SBF2: variants seen among roughly 807,000 people sequenced by gnomAD.
SBF2 encodes the protein myotubularin-related protein 13.
A neutral mutation model predicts 225.2 loss-of-function variants in SBF2; 112 were observed. That is an observed-to-expected ratio of 0.50 (90% CI 0.43 to 0.58). The LOEUF (loss-of-function observed/expected upper bound fraction) is 0.58. SBF2 is among the 20% of genes least tolerant of loss of function. The pLI is 0.00. For missense variants in SBF2, 1,996 were observed against 2,206.2 expected (o/e 0.90, Z 1.91); for synonymous variants, 763 against 773.3 (o/e 0.99, Z 0.22).
chr11:10,014,959 G>A (rs774486241), intron 6 of SBF2, among the ~76,000 whole-genome samples: 6 of 151,842 alleles, frequency 4.0e-5, no homozygotes, highest in African/African-American at 1.5e-4. Flanking sequence ...GTGAAATCCC[G>A]TCTTTACTAA....
chr11:10,077,745 A>G (rs554360435), intron 2 of SBF2, among the ~76,000 whole-genome samples: 2 of 152,358 alleles, frequency 1.3e-5, no homozygotes, highest in East Asian at 1.9e-4. Context: ...CTTCATGACT[A>G]AAACACCAAA....
chr11:9,948,908 C>T (rs1291413317), intron 16 of SBF2, among the ~76,000 whole-genome samples: 1 of 152,104 alleles, frequency 6.6e-6, no homozygotes, highest in Non-Finnish European at 1.5e-5. Context: ...TTTGCTTTGT[C>T]TTCTGAGGAT....
At position 10,176,641 on chromosome 11, in the gene SBF2, G is replaced by A. The variant is rs879321124; in HGVS notation, c.141+17261C>T. On this transcript the variant is annotated intron_variant, in intron 2 of 39. Transcript: ENST00000256190. ...ATACACCCTCCCAAGACTAAACCAG[G>A]AAGAAGTTGAATCTCTGAATAGACC... 3.3e-3 allele frequency among the ~76,000 whole-genome samples: 499 copies of A among 152,248 alleles called. 1 individual carries two copies. Among genetic ancestry groups the A allele is most frequent in the Admixed American group, 5.4e-3 (83 of 15,294 alleles).
intron 1 of SBF2, among the ~76,000 whole-genome samples, chr11:10,248,654 G>A (rs1960034526): frequency 6.6e-6 from 1 of 152,204 alleles, no homozygotes; most frequent in South Asian, 2.1e-4. Context: ...TGTAAAGAAA[G>A]TTAAATGTGT....
Position 10,062,411 on chromosome 11 carries a change from A to C in SBF2, c.142-19430T>G, listed in dbSNP as rs927425743. On this transcript the variant is annotated intron_variant, in intron 2 of 39. Coordinates refer to ENST00000256190, the MANE Select transcript of SBF2 (RefSeq NM_030962.4). Reference sequence around the variant, plus strand: ...CAACAGAGTAAAGAGAAGCCTACAGACTGGGAGAAAATTTATGCAAACTAT... The same window carrying C: ...CAACAGAGTAAAGAGAAGCCTACAGCCTGGGAGAAAATTTATGCAAACTAT... Among the ~76,000 whole-genome samples, 9 of 152,348 alleles carry C rather than the reference A, an allele frequency of 5.9e-5. No individual in the cohort carries two copies. In the East Asian group the frequency reaches 1.7e-3, roughly 29 times the overall value.
In SBF2 at chr11:10,005,423, CA is replaced by C. The variant is rs527849880; in HGVS notation, c.620-2735del. 7.2e-4 allele frequency among the ~76,000 whole-genome samples: 110 copies of C among 152,256 alleles called. No individual in the cohort carries two copies. In the Middle Eastern group the frequency reaches 0.01, roughly 14 times the overall value. On this transcript the variant is annotated intron_variant, in intron 6 of 39. Transcript: ENST00000256190. ...ATGCAAGACCCCGGACACATGACAACATATAAAATCCCGAGTCAAAGCTCAA... is the reference window on the plus strand; with the variant it reads ...ATGCAAGACCCCGGACACATGACAACTATAAAATCCCGAGTCAAAGCTCAA...
chr11:9,898,069 G>A (rs576265867), intron 16 of SBF2, among the ~76,000 whole-genome samples: 1 of 152,272 alleles, frequency 6.6e-6, no homozygotes, highest in South Asian at 2.1e-4. Context: ...ACAGGAGGAA[G>A]AGTCAGAAGG....
rs541478728 is a variant in SBF2 at position 9,960,974 on chromosome 11, T to A, written c.1860+983A>T. The A allele has an allele frequency of 2.0e-5, 3 of 152,250 alleles. No individual in the cohort carries two copies. In the East Asian group the frequency reaches 5.8e-4, roughly 29 times the overall value. The allele number at this position is 152,250 out of a possible 1,614,324, so 9.4% of individuals were successfully genotyped here. A position where few individuals can be genotyped will look rare whatever the true frequency, so the allele number is the denominator to read the frequency against. On this transcript the variant is annotated intron_variant, in intron 16 of 39. Coordinates refer to ENST00000256190, the MANE Select transcript of SBF2 (RefSeq NM_030962.4). ...CACTGTGCCTGGCCAAATAATATAA[T>A]CTTAAACTAAATTTTTGATACCTGA...
chr11:9,880,038 C>A (rs1020164170), intron 17 of SBF2, among the ~76,000 whole-genome samples: 7 of 133,848 alleles, frequency 5.2e-5, no homozygotes, highest in Non-Finnish European at 9.2e-5. Context: ...GAGATGAGAT[C>A]GTGCCACTGC....
At chr11:10,220,053 C>T (rs1958286663) in intron 1 of SBF2, among the ~76,000 whole-genome samples, 1 of 152,128 alleles carries the variant, frequency 6.6e-6, no homozygotes, top group South Asian at 2.1e-4. Context: ...TCTGATGCTG[C>T]TAATAAAGAC....
intron 2 of SBF2, among the ~76,000 whole-genome samples, chr11:10,116,657 CT>C (rs904746667): frequency 5.3e-5 from 8 of 149,920 alleles, no homozygotes; most frequent in South Asian, 4.2e-4. Context: ...TTTTAATTGT[CT>C]TTTTTTTTTC....
chr11:9,911,315 C>T (rs537973544), intron 16 of SBF2, among the ~76,000 whole-genome samples: 1 of 148,066 alleles, frequency 6.8e-6, no homozygotes, highest in Non-Finnish European at 1.5e-5. Flanking sequence ...TTCAAGGAGG[C>T]AGAAGTTTCA....
At chr11:10,232,118 TA>T (rs1958878146) in intron 1 of SBF2, among the ~76,000 whole-genome samples, 1 of 152,234 alleles carries the variant, frequency 6.6e-6, no homozygotes, top group South Asian at 2.1e-4. Context: ...AGGTGCGGGA[TA>T]TAATCTCCTG....
At chr11:9,807,629 C>T (rs188630888) in intron 32 of SBF2, among the ~76,000 whole-genome samples, 1 of 152,314 alleles carries the variant, frequency 6.6e-6, no homozygotes, top group Admixed American at 6.5e-5. Flanking sequence ...TGTTCCCAGG[C>T]ACAAGCTGGG....
In SBF2 at chr11:10,276,935, A is replaced by C. The variant is rs373987686; in HGVS notation, c.55+17080T>G. Reference sequence around the variant, plus strand: ...ACAACACAAATTTAAGCCTTTCTTAAAACTGTGTAAAACAGGCTCGGTACA... The same window carrying C: ...ACAACACAAATTTAAGCCTTTCTTACAACTGTGTAAAACAGGCTCGGTACA... On this transcript the variant is annotated intron_variant, in intron 1 of 39. Transcript: ENST00000256190. Among the ~76,000 whole-genome samples, 17 of 152,284 alleles carry C rather than the reference A, an allele frequency of 1.1e-4. No individual in the cohort carries two copies. The South Asian group carries it at 3.5e-3, about 32-fold the overall frequency.
At chr11:10,082,484 T>C (rs1229147798) in intron 2 of SBF2, among the ~76,000 whole-genome samples, 1 of 152,106 alleles carries the variant, frequency 6.6e-6, no homozygotes, top group Non-Finnish European at 1.5e-5. Context: ...CAAAAATCCT[T>C]GACGGAATAC....
intron 1 of SBF2, among the ~76,000 whole-genome samples, chr11:10,238,459 C>G (rs1959165843): frequency 6.6e-6 from 1 of 152,086 alleles, no homozygotes; most frequent in Non-Finnish European, 1.5e-5. Flanking sequence ...CAAAAGAAGG[C>G]TGGTGTAGCT....
chr11:10,109,622 T>A (rs561508246), intron 2 of SBF2, among the ~76,000 whole-genome samples: 1 of 152,312 alleles, frequency 6.6e-6, no homozygotes, highest in Admixed American at 6.5e-5. Flanking sequence ...GGTAGACACT[T>A]AGAATAATTA....
At chr11:9,868,295 C>A (rs1858403427) in intron 17 of SBF2, among the ~76,000 whole-genome samples, 1 of 134,098 alleles carries the variant, frequency 7.5e-6, no homozygotes, top group Non-Finnish European at 1.5e-5. Flanking sequence ...GAGATTGAGA[C>A]CATCCTGGCT....
Sources: allele counts gnomAD v4.1 joint callset (sites outside exome capture counted in the v4.1 genomes callset), GRCh38; gene constraint gnomAD v4.1.1; transcripts MANE v1.5; gene names NCBI Gene and HGNC (gene_info 2026-07-23, HGNC 2026-07-21).